AFF3: variants seen among roughly 807,000 people sequenced by gnomAD.
The protein encoded by AFF3 is AF4/FMR2 family member 3.
A neutral mutation model predicts 129.7 loss-of-function variants in AFF3; 32 were observed. The observed-to-expected ratio is 0.25, with a 90% CI of 0.19 to 0.33. The LOEUF (loss-of-function observed/expected upper bound fraction) is 0.33, where lower values mean the gene tolerates loss of function less well. AFF3 is among the 10% of genes least tolerant of loss of function. AFF3 has a pLI of 1.00. For synonymous variants in AFF3, 644 were observed against 635.4 expected (o/e 1.01, Z -0.20); for missense variants, 1,373 against 1,592.0 (o/e 0.86, Z 2.34).
intron 4 of AFF3, among the ~76,000 whole-genome samples, chr2:100,055,947 G>A (rs1456415620): frequency 2.6e-5 from 4 of 151,778 alleles, no homozygotes; most frequent in Admixed American, 6.6e-5. Context: ...GGAGAAGGAA[G>A]GACTGCTTGA....
At chr2:99,784,604 G>A (rs906735011) in intron 8 of AFF3, among the ~76,000 whole-genome samples, 1 of 152,208 alleles carries the variant, frequency 6.6e-6, no homozygotes, top group African/African-American at 2.4e-5. Context: ...GCTTTGCGCA[G>A]TATTAAGACA....
intron 2 of AFF3, among the ~76,000 whole-genome samples, chr2:100,115,751 A>T (rs966423918): frequency 6.6e-6 from 1 of 152,112 alleles, no homozygotes; most frequent in African/African-American, 2.4e-5. Context: ...ACTGGTGAAG[A>T]ATTCTCTGTG....
At chr2:99,985,360 A>G (rs1307141859) in intron 7 of AFF3, among the ~76,000 whole-genome samples, 1 of 152,226 alleles carries the variant, frequency 6.6e-6, no homozygotes, top group Non-Finnish European at 1.5e-5. Flanking sequence ...TGAATAATGA[A>G]AATGTGCTAC....
chr2:100,140,732 C>A (rs530969097), intron 1 of AFF3, among the ~76,000 whole-genome samples: 17 of 152,258 alleles, frequency 1.1e-4, no homozygotes, highest in African/African-American at 3.9e-4. Context: ...TACATGTCAT[C>A]AAGCCCACAG....
intron 15 of AFF3, 35 bp from the exon 16 acceptor site, chr2:99,587,313 G>T (rs745805722): frequency 3.1e-6 from 5 of 1,612,376 alleles, no homozygotes; most frequent in Non-Finnish European, 4.2e-6. Context: ...ATCAGCACTG[G>T]ATTTCAAGAG....
At chr2:100,005,018 T>C (rs560448650) in intron 7 of AFF3, among the ~76,000 whole-genome samples, 7 of 152,222 alleles carry the variant, frequency 4.6e-5, no homozygotes, top group Admixed American at 2.6e-4. Flanking sequence ...ATAGGGGAAA[T>C]GGAACACTTC....
chr2:99,912,605 G>A (rs1452742253), intron 7 of AFF3, among the ~76,000 whole-genome samples: 2 of 151,924 alleles, frequency 1.3e-5, no homozygotes, highest in Admixed American at 6.6e-5. Flanking sequence ...ATGGGCCCTC[G>A]AGATCAGAAA....
chr2:99,738,134 T>C (rs568341033), intron 10 of AFF3, among the ~76,000 whole-genome samples: 1 of 152,236 alleles, frequency 6.6e-6, no homozygotes, highest in South Asian at 2.1e-4. Flanking sequence ...GCTGTCCTGT[T>C]TGTTCTTGCT....
At chr2:99,678,861 C>T (rs191035129) in intron 11 of AFF3, among the ~76,000 whole-genome samples, 1 of 152,350 alleles carries the variant, frequency 6.6e-6, no homozygotes, top group African/African-American at 2.4e-5. Context: ...AGTTATACAA[C>T]TCATTTCATT....
intron 7 of AFF3, among the ~76,000 whole-genome samples, chr2:99,968,911 T>C (rs555111438): frequency 1.4e-4 from 21 of 152,274 alleles, no homozygotes; most frequent in Admixed American, 1.3e-3. Flanking sequence ...AATTTAGCAA[T>C]GTGCCACTGC....
chr2:100,007,191 C>G lies in AFF3; in HGVS notation c.444G>C (p.Trp148Cys), dbSNP rs768520073. ...VQQSKRGTMG[W>C]QKAGHPPSDG... ...CAGAGGGTGGGTGCCCAGCCTTCTG[C>G]CAGCCCATAGTGCCTCTCTTACTCT... Residue 148 changes from tryptophan to cysteine, a missense_variant, in exon 6 of 25, where the codon TGG becomes TGC. Around this residue, in one of 9 missense-constraint regions of AFF3, gnomAD observed 255 missense variants for 256.0 expected, o/e 1.00. Coordinates refer to ENST00000672756, the MANE Select transcript of AFF3 (RefSeq NM_001386135.1). 6.2e-7 allele frequency: 1 copy of G among 1,614,158 alleles called. No homozygotes were observed.
At chr2:99,861,088 T>C (rs1397176633) in intron 7 of AFF3, among the ~76,000 whole-genome samples, 1 of 152,204 alleles carries the variant, frequency 6.6e-6, no homozygotes, top group East Asian at 1.9e-4. Context: ...GGGCTTCAGA[T>C]GGAAGTGACT....
At chr2:100,104,794 CTGCA>C in intron 3 of AFF3, 9 of 804,022 alleles carry the variant, frequency 1.1e-5, no homozygotes, top group Non-Finnish European at 1.3e-5. Flanking sequence ...CGGCCCGCTG[CTGCA>C]GCCGCCGCCG....
intron 4 of AFF3, among the ~76,000 whole-genome samples, chr2:100,068,048 G>C (rs529316397): frequency 6.6e-6 from 1 of 152,302 alleles, no homozygotes; most frequent in African/African-American, 2.4e-5. Context: ...AACTGTTCAG[G>C]AACAGTTTGT....
At chr2:100,002,232 CT>C (rs781697565) in intron 7 of AFF3, among the ~76,000 whole-genome samples, 6 of 152,114 alleles carry the variant, frequency 3.9e-5, no homozygotes, top group Non-Finnish European at 8.8e-5. Context: ...TTACAGATGC[CT>C]TTTTTGCCCG....
At chr2:100,099,154 CCTT>C (rs1159115243) in intron 4 of AFF3, among the ~76,000 whole-genome samples, 1 of 146,348 alleles carries the variant, frequency 6.8e-6, no homozygotes, top group Non-Finnish European at 1.5e-5. Flanking sequence ...GGTGCACTCT[CCTT>C]CTGCCCTTTC....
intron 7 of AFF3, among the ~76,000 whole-genome samples, chr2:99,845,108 A>G (rs910521156): frequency 6.6e-6 from 1 of 152,212 alleles, no homozygotes; most frequent in African/African-American, 2.4e-5. Flanking sequence ...TAGAACATCA[A>G]CATTTATTTA....
chr2:100,054,239 C>T (rs1686588223), intron 4 of AFF3, among the ~76,000 whole-genome samples: 2 of 152,168 alleles, frequency 1.3e-5, no homozygotes, highest in African/African-American at 4.8e-5. Flanking sequence ...TTCTCATCCA[C>T]AGGATGAGGA....
At chr2:99,753,040 G>T (rs780489367) in intron 8 of AFF3, among the ~76,000 whole-genome samples, 8 of 152,094 alleles carry the variant, frequency 5.3e-5, no homozygotes, top group Non-Finnish European at 7.4e-5. Context: ...GAATTACATT[G>T]ATTTCTGATG....
Sources: allele counts gnomAD v4.1 joint callset (sites outside exome capture counted in the v4.1 genomes callset), GRCh38; gene constraint gnomAD v4.1.1; regional missense constraint gnomAD v4.1.1; transcripts MANE v1.5; gene names NCBI Gene and HGNC (gene_info 2026-07-23, HGNC 2026-07-21).